MAPK10: variants seen among roughly 807,000 people sequenced by gnomAD.
MAPK10 encodes the protein mitogen-activated protein kinase 10, also known as JNK3 alpha protein kinase.
MAPK10 carries 25 observed loss-of-function variants against 59.3 expected under a neutral mutation model. The ratio of observed to expected loss-of-function variants is 0.42; its 90% CI spans 0.31 to 0.59. The LOEUF is 0.59. Among genes scored for constraint, MAPK10 ranks in the 20% least tolerant of loss-of-function variants. The pLI is 0.15. For missense variants in MAPK10, 351 were observed against 568.9 expected (o/e 0.62, Z 3.90); for synonymous variants, 190 against 200.5 (o/e 0.95, Z 0.44).
chr4:86,138,891 AACAG>A (rs2062891662), intron 4 of MAPK10, among the ~76,000 whole-genome samples: 1 of 151,996 alleles, frequency 6.6e-6, no homozygotes, highest in Admixed American at 6.6e-5. Flanking sequence ...ATACACCAAC[AACAG>A]ACAAACAGCC....
At chr4:86,407,852 T>C (rs528223888) in intron 1 of MAPK10, among the ~76,000 whole-genome samples, 1 of 152,298 alleles carries the variant, frequency 6.6e-6, no homozygotes, top group Non-Finnish European at 1.5e-5. Context: ...TTCACTGTAA[T>C]TTTTTAAAAA....
At chr4:86,114,090 G>A (rs1448801773) in intron 4 of MAPK10, among the ~76,000 whole-genome samples, 2 of 152,144 alleles carry the variant, frequency 1.3e-5, no homozygotes, top group African/African-American at 4.8e-5. Flanking sequence ...TCTCGAAACT[G>A]GTTATTCTAG....
chr4:86,580,584 T>C (rs1762195510), intron 1 of MAPK10, among the ~76,000 whole-genome samples: 1 of 152,180 alleles, frequency 6.6e-6, no homozygotes. Context: ...ATTTTAAATA[T>C]GCAACTTTAT....
chr4:86,064,445 T>C, intron 10 of MAPK10, 55 bp from the exon 11 acceptor site: 1 of 1,574,926 alleles, frequency 6.3e-7, no homozygotes, highest in South Asian at 1.1e-5. Flanking sequence ...AGTAAGGAAA[T>C]TTGTCAGAGA....
chr4:86,261,580 T>C (rs1034820046), intron 2 of MAPK10, among the ~76,000 whole-genome samples: 1 of 152,214 alleles, frequency 6.6e-6, no homozygotes, highest in Admixed American at 6.5e-5. Context: ...ATGTCAAATA[T>C]GCTAATAGGC....
intron 9 of MAPK10, among the ~76,000 whole-genome samples, chr4:86,075,887 G>A: frequency 6.6e-6 from 1 of 152,186 alleles, no homozygotes; most frequent in East Asian, 1.9e-4. Flanking sequence ...GCCTACAGTG[G>A]CAGGCAGGCC....
At chr4:86,389,528 A>G (rs1240374429) in intron 1 of MAPK10, among the ~76,000 whole-genome samples, 1 of 152,152 alleles carries the variant, frequency 6.6e-6, no homozygotes, top group Non-Finnish European at 1.5e-5. Flanking sequence ...TTTATTGTTT[A>G]TCTTCTGTTT....
chr4:86,576,242 A>G lies in MAPK10; in HGVS notation c.-263+17668T>C, dbSNP rs188191292. Among the ~76,000 whole-genome samples the G allele has an allele frequency of 1.5e-3, 234 of 152,322 alleles. 1 individual carries two copies. The highest frequency in any genetic ancestry group is 5.5e-3 in the African/African-American group (229 of 41,572). ...AATAGGACATAAAAATTCAGTGGAA[A>G]AAGATGACATCTAAGATATTTCTCA... On this transcript the variant is annotated intron_variant, in intron 1 of 4. Transcript: ENST00000502302.
At chr4:86,432,432 G>C (rs957283601) in intron 1 of MAPK10, among the ~76,000 whole-genome samples, 1 of 151,968 alleles carries the variant, frequency 6.6e-6, no homozygotes, top group Non-Finnish European at 1.5e-5. Flanking sequence ...ACACCAGGAC[G>C]CCCAGCTAAT....
chr4:86,145,036 C>G (rs981743886), intron 4 of MAPK10, among the ~76,000 whole-genome samples: 1 of 152,148 alleles, frequency 6.6e-6, no homozygotes, highest in African/African-American at 2.4e-5. Flanking sequence ...TAAAGCACTT[C>G]TACCAATTAG....
At chr4:86,476,765 C>T (rs1050169096) in intron 1 of MAPK10, among the ~76,000 whole-genome samples, 5 of 152,128 alleles carry the variant, frequency 3.3e-5, no homozygotes, top group Non-Finnish European at 4.4e-5. Context: ...CACTGTGAGA[C>T]AAGCCCCAGC....
At chr4:86,069,941 T>A (rs182352266) in intron 9 of MAPK10, among the ~76,000 whole-genome samples, 1 of 152,266 alleles carries the variant, frequency 6.6e-6, no homozygotes, top group East Asian at 1.9e-4. Flanking sequence ...ATATTAAAGT[T>A]TAAGGAGAGT....
intron 4 of MAPK10, among the ~76,000 whole-genome samples, chr4:86,130,679 A>G (rs2060845468): frequency 6.6e-6 from 1 of 152,134 alleles, no homozygotes; most frequent in South Asian, 2.1e-4. Flanking sequence ...GGGAGCCAAG[A>G]GCTTATGGAT....
intron 1 of MAPK10, among the ~76,000 whole-genome samples, chr4:86,584,702 C>T (rs1762542780): frequency 6.6e-6 from 1 of 152,182 alleles, no homozygotes; most frequent in Admixed American, 6.5e-5. Context: ...CACTTAGCCT[C>T]CCAAAGTGCT....
intron 2 of MAPK10, among the ~76,000 whole-genome samples, chr4:86,349,559 T>C (rs1281272121): frequency 6.6e-6 from 1 of 152,174 alleles, no homozygotes; most frequent in Non-Finnish European, 1.5e-5. Context: ...TAAGATACTA[T>C]GGTAATACAG....
rs555831411 is a variant in MAPK10, at chr4:86,194,330, A to G, written c.66+6T>C. 1 of 1,611,152 alleles carries G rather than the reference A, an allele frequency of 6.2e-7. No individual in the cohort carries two copies. The highest frequency in any genetic ancestry group is 8.5e-7 in the Non-Finnish European group (1 of 1,177,306). On this transcript the variant is annotated splice_donor_region_variant and intron_variant, in intron 3 of 13. Transcript: ENST00000641462. ...GTACCTTGTTTTACCTGTAAGGAAC[A>G]CACACCTGACAAAAGGCAATTTTCA...
intron 1 of MAPK10, among the ~76,000 whole-genome samples, chr4:86,486,302 A>AACAC (rs1434174488): frequency 2.6e-5 from 4 of 152,122 alleles, no homozygotes; most frequent in Non-Finnish European, 5.9e-5. Context: ...CAATCTCTAA[A>AACAC]ACATACATAC....
At chr4:86,068,458 A>T (rs1434389582) in intron 9 of MAPK10, among the ~76,000 whole-genome samples, 6 of 151,968 alleles carry the variant, frequency 3.9e-5, no homozygotes, top group Admixed American at 3.3e-4. Flanking sequence ...AAAATCTGGA[A>T]TTTTTTTCTA....
At chr4:86,406,392 CAAG>C (rs1378264118) in intron 1 of MAPK10, among the ~76,000 whole-genome samples, 1 of 152,118 alleles carries the variant, frequency 6.6e-6, no homozygotes, top group Non-Finnish European at 1.5e-5. Context: ...GGGAAATGAA[CAAG>C]AAGATACAAC....
Sources: gnomAD v4.1 joint callset for allele counts (sites outside exome capture counted in the v4.1 genomes callset) on GRCh38, gnomAD v4.1.1 for gene constraint, MANE v1.5 for transcripts, NCBI Gene and HGNC (gene_info 2026-07-23, HGNC 2026-07-21) for gene names.